Variants in WWP2 observed in about 807,000 individuals in gnomAD.
WWP2 encodes WW domain containing E3 ubiquitin protein ligase 2.
Under a neutral mutation model 121.0 loss-of-function variants are expected in WWP2, and 57 were observed. The observed-to-expected ratio is 0.47, with a 90% CI of 0.38 to 0.59. The LOEUF is 0.59. WWP2 is among the 20% of genes least tolerant of loss of function. The pLI is 0.00. For synonymous variants in WWP2, 449 were observed against 441.3 expected, an observed-to-expected ratio of 1.02 and a Z score of -0.22; for missense variants, 962 against 1,158.9, an observed-to-expected ratio of 0.83 and a Z score of 2.47.
At chr16:69,782,263 ACAGAGCGAGACTC>A (rs1296239111) in intron 1 of WWP2, among the ~76,000 whole-genome samples, 5 of 152,288 alleles carry the variant, frequency 3.3e-5, no homozygotes, top group Non-Finnish European at 2.9e-5. Flanking sequence ...AGCCCGGGTG[ACAGAGCGAGACTC>A]CATCTCAAAC....
chr16:69,909,071 AG>A, intron 9 of WWP2: 1 of 1,327,250 alleles, frequency 7.5e-7, no homozygotes, highest in Non-Finnish European at 9.6e-7. Context: ...GGCGCATGGG[AG>A]GCCAAGATTT....
intron 7 of WWP2, among the ~76,000 whole-genome samples, chr16:69,887,648 C>T (rs1057365994): frequency 2.6e-5 from 4 of 152,072 alleles, no homozygotes; most frequent in African/African-American, 4.8e-5. Context: ...TCAAGTGATC[C>T]GCCTGCCTCA....
intron 4 of WWP2, among the ~76,000 whole-genome samples, chr16:69,809,908 A>G (rs1366650253): frequency 2.0e-5 from 3 of 152,208 alleles, no homozygotes; most frequent in Admixed American, 6.5e-5. Flanking sequence ...TGTCGTTAAC[A>G]TGGGACATTT....
intron 8 of WWP2, among the ~76,000 whole-genome samples, chr16:69,897,912 CAACAA>C (rs374067984): frequency 0.037 from 5,577 of 150,874 alleles, 286 homozygotes; most frequent in African/African-American, 0.12. Flanking sequence ...CATCTCAAAA[CAACAA>C]AACAAAACAA....
chr16:69,875,646 T>A (rs959273590), intron 7 of WWP2, among the ~76,000 whole-genome samples: 18 of 152,358 alleles, frequency 1.2e-4, no homozygotes, highest in Middle Eastern at 3.4e-3. Flanking sequence ...AGAAGTTGAT[T>A]CCATCTCAAG....
chr16:69,859,290 C>T lies in WWP2; in HGVS notation c.576-12514C>T, dbSNP rs972764211. Among the ~76,000 whole-genome samples the T allele has an allele frequency of 3.3e-5, 5 of 152,118 alleles. No homozygotes were observed. The South Asian group carries it at 6.2e-4, about 19-fold the overall frequency. ...ATTCAGGGCTGGGCACAGTGGCTCA[C>T]GCCTGTAATTCCAGCACTTTGGCAG... is the stretch of plus-strand genomic sequence containing the variant. On this transcript the variant is annotated intron_variant, in intron 6 of 23. Transcript: ENST00000359154.
At chr16:69,865,480 A>G (rs2057504309) in intron 6 of WWP2, among the ~76,000 whole-genome samples, 1 of 152,234 alleles carries the variant, frequency 6.6e-6, no homozygotes, top group Admixed American at 6.5e-5. Flanking sequence ...CACAAACTCT[A>G]TAAATTTAGA....
intron 4 of WWP2, among the ~76,000 whole-genome samples, chr16:69,830,655 A>G (rs2965762): frequency 0.82 from 124,873 of 152,014 alleles, 51,863 homozygotes; most frequent in Admixed American, 0.89. Context: ...GAGGTGGAGT[A>G]AGCAGAGTCA....
chr16:69,905,063 A>T (rs2058267062), intron 8 of WWP2, among the ~76,000 whole-genome samples: 1 of 152,190 alleles, frequency 6.6e-6, no homozygotes, highest in South Asian at 2.1e-4. Context: ...CGCCCAAATA[A>T]GGCAGACGCC....
chr16:69,859,535 G>A (rs756144906), intron 6 of WWP2, among the ~76,000 whole-genome samples: 5 of 151,898 alleles, frequency 3.3e-5, no homozygotes, highest in African/African-American at 7.3e-5. Flanking sequence ...CAGCCTGGGC[G>A]ACAGAGGGAG....
At chr16:69,903,494 C>T (rs772412036) in intron 8 of WWP2, among the ~76,000 whole-genome samples, 1 of 152,052 alleles carries the variant, frequency 6.6e-6, no homozygotes, top group Non-Finnish European at 1.5e-5. Flanking sequence ...AATGGCCGGG[C>T]GCAGTGGCTC....
intron 7 of WWP2, among the ~76,000 whole-genome samples, chr16:69,880,272 ATT>A (rs60340110): frequency 2.6e-4 from 39 of 149,366 alleles, no homozygotes; most frequent in African/African-American, 9.5e-4. Context: ...TTTTACTGTG[ATT>A]TTTTTTTTAG....
At chr16:69,919,489 G>A (rs995454423) in intron 10 of WWP2, among the ~76,000 whole-genome samples, 3 of 152,074 alleles carry the variant, frequency 2.0e-5, no homozygotes, top group African/African-American at 7.2e-5. Context: ...TTCTCGTCCA[G>A]AATTGTGGGT....
chr16:69,907,798 A>G (rs1567422793), intron 8 of WWP2, among the ~76,000 whole-genome samples: 2 of 152,246 alleles, frequency 1.3e-5, no homozygotes, highest in Non-Finnish European at 2.9e-5. Flanking sequence ...ATTTGACTTC[A>G]TAGGTAGAGC....
intron 8 of WWP2, among the ~76,000 whole-genome samples, chr16:69,907,150 A>G (rs913733216): frequency 3.9e-5 from 6 of 152,172 alleles, no homozygotes; most frequent in Admixed American, 6.6e-5. Flanking sequence ...TGGTGCATGG[A>G]GGGCTATCTG....
chr16:69,925,001 TGTGGTTCTTGGAGAAA>T lies in WWP2; in HGVS notation c.1180-426_1180-411del. The T allele has an allele frequency of 1.0e-6, 1 of 992,292 alleles. No individual in the cohort carries two copies. Among genetic ancestry groups the T allele is most frequent in the Non-Finnish European group, 1.2e-6 (1 of 834,546 alleles). 61.5% of individuals were successfully genotyped at this position (992,292 alleles called of 1,614,324 possible). ...CTGCGATATTTTTTCCCCTCCTGCGTGTGGTTCTTGGAGAAAGTTGGAGGTGGTGGTGATTTCAGTC... is the reference window on the plus strand; with the variant it reads ...CTGCGATATTTTTTCCCCTCCTGCGTGTTGGAGGTGGTGGTGATTTCAGTC... On this transcript the variant is annotated intron_variant, in intron 10 of 23. Coordinates refer to ENST00000359154, the MANE Select transcript of WWP2 (RefSeq NM_001270454.2). The surrounding 1 kb of genome is among the most constrained non-coding windows in gnomAD (Gnocchi z 4.0).
In WWP2 at chr16:69,925,004, G is replaced by A. The variant is rs2058618910; in HGVS notation, c.1180-426G>A. ...CGATATTTTTTCCCCTCCTGCGTGT[G>A]GTTCTTGGAGAAAGTTGGAGGTGGT... On this transcript the variant is annotated intron_variant, in intron 10 of 23. Coordinates refer to ENST00000359154, the MANE Select transcript of WWP2 (RefSeq NM_001270454.2). This position sits in a 1 kb window ranked among gnomAD's most constrained non-coding sequence, Gnocchi z 4.0. 3.0e-6 allele frequency: 3 copies of A among 992,526 alleles called. 1 individual carries two copies. Among genetic ancestry groups the A allele is most frequent in the South Asian group, 9.2e-5 (2 of 21,694 alleles). 61.5% of individuals were successfully genotyped at this position (992,526 alleles called of 1,614,324 possible).
At chr16:69,845,566 G>C (rs1349121847) in intron 6 of WWP2, among the ~76,000 whole-genome samples, 6 of 152,092 alleles carry the variant, frequency 3.9e-5, no homozygotes, top group African/African-American at 1.4e-4. Flanking sequence ...TGAAGGTGAA[G>C]ACTGCGATGT....
At chr16:69,790,122 A>G (rs373826742) in intron 2 of WWP2, among the ~76,000 whole-genome samples, 3 of 152,048 alleles carry the variant, frequency 2.0e-5, no homozygotes, top group East Asian at 1.9e-4. Flanking sequence ...TGGCAGGCGC[A>G]TGTAATCCCA....
Sources: gnomAD v4.1 joint callset for allele counts (sites outside exome capture counted in the v4.1 genomes callset) on GRCh38, gnomAD v4.1.1 for gene constraint, Gnocchi (gnomAD v3.1) non-coding constraint, MANE v1.5 for transcripts, NCBI Gene and HGNC (gene_info 2026-07-23, HGNC 2026-07-21) for gene names.